The following GABRR1 variants were observed in gnomAD, a reference collection of about 807,000 sequenced individuals.
GABRR1 encodes the protein gamma-aminobutyric acid receptor subunit rho-1.
GABRR1 carries 59 observed loss-of-function variants against 55.5 expected under a neutral mutation model. The observed-to-expected ratio is 1.06, with a 90% CI of 0.86 to 1.32. GABRR1 has a LOEUF of 1.32. GABRR1 is among the 40% of genes most tolerant of loss of function. The probability of loss-of-function intolerance (pLI) is 0.00; values close to 1 mark genes in which losing one functional copy is unlikely to be tolerated. For synonymous variants in GABRR1, 213 were observed against 226.0 expected, an observed-to-expected ratio of 0.94 and a Z score of 0.51; for missense variants, 602 against 619.1, an observed-to-expected ratio of 0.97 and a Z score of 0.29.
At chr6:89,224,421 G>A (rs1773164652) in intron 1 of GABRR1, among the ~76,000 whole-genome samples, 1 of 152,110 alleles carries the variant, frequency 6.6e-6, no homozygotes, top group African/African-American at 2.4e-5. Context: ...GCATTTCCCT[G>A]ATCATTTGTG....
At chr6:89,197,667 T>G (rs1034456889) in intron 5 of GABRR1, among the ~76,000 whole-genome samples, 1 of 152,188 alleles carries the variant, frequency 6.6e-6, no homozygotes, top group African/African-American at 2.4e-5. Context: ...GAACTTTTTT[T>G]TAACCAAAGT....
At chr6:89,230,362 T>G (rs1773264356) in intron 1 of GABRR1, among the ~76,000 whole-genome samples, 1 of 138,024 alleles carries the variant, frequency 7.2e-6, no homozygotes, top group South Asian at 2.5e-4. Context: ...TTTCCAGTTT[T>G]TCTGTTCTGT....
At chr6:89,223,054 T>C (rs1308829772) in intron 1 of GABRR1, among the ~76,000 whole-genome samples, 4 of 152,226 alleles carry the variant, frequency 2.6e-5, no homozygotes, top group Admixed American at 1.3e-4. Context: ...TAGATTTTTT[T>C]TTTTAATTTC....
At chr6:89,201,570 G>A (rs1426594372) in intron 2 of GABRR1, among the ~76,000 whole-genome samples, 1 of 152,188 alleles carries the variant, frequency 6.6e-6, no homozygotes, top group Non-Finnish European at 1.5e-5. Context: ...ACGAGGTCAG[G>A]AGATCGAGAC....
chr6:89,205,821 T>C (rs2127802624), intron 1 of GABRR1: 1 of 152,322 alleles, frequency 6.6e-6, no homozygotes, highest in South Asian at 2.1e-4. Flanking sequence ...TCTCGGCATT[T>C]CTAACAGCCA....
chr6:89,190,670 T>C (rs977924929), intron 5 of GABRR1, among the ~76,000 whole-genome samples: 14 of 152,248 alleles, frequency 9.2e-5, no homozygotes, highest in Admixed American at 8.5e-4. Context: ...TCATATACAA[T>C]ACAGTGTACA....
At chr6:89,229,171 G>A (rs1451573413) in intron 1 of GABRR1, among the ~76,000 whole-genome samples, 1 of 151,816 alleles carries the variant, frequency 6.6e-6, no homozygotes, top group Non-Finnish European at 1.5e-5. Context: ...CACATGAGAT[G>A]GGTTTCCTGA....
chr6:89,200,397 C>T (rs1019938778), intron 3 of GABRR1, among the ~76,000 whole-genome samples: 1 of 151,786 alleles, frequency 6.6e-6, no homozygotes, highest in Non-Finnish European at 1.5e-5. Flanking sequence ...TACAGGTGCA[C>T]ACCACCACAG....
At chr6:89,195,852 T>G (rs1210063526) in intron 5 of GABRR1, among the ~76,000 whole-genome samples, 1 of 152,180 alleles carries the variant, frequency 6.6e-6, no homozygotes, top group Non-Finnish European at 1.5e-5. Context: ...GGTGGGAGCT[T>G]GAAATCAGCC....
intron 5 of GABRR1, 47 bp from the exon 6 acceptor site, chr6:89,190,294 C>T (rs372372327): frequency 2.7e-4 from 379 of 1,392,458 alleles, no homozygotes; most frequent in African/African-American, 1.2e-3. Context: ...CTGCAAAAGA[C>T]GAGTGCAAAA....
At chr6:89,183,493 C>T (rs984561872) in intron 7 of GABRR1, among the ~76,000 whole-genome samples, 6 of 83,258 alleles carry the variant, frequency 7.2e-5, no homozygotes, top group East Asian at 6.8e-4. Flanking sequence ...CAGTCAATTG[C>T]GCAAGTTTTA....
intron 3 of GABRR1, among the ~76,000 whole-genome samples, 166 bp from the exon 4 acceptor site, chr6:89,199,595 A>C (rs2127799362): frequency 6.6e-6 from 1 of 152,334 alleles, no homozygotes; most frequent in Middle Eastern, 3.4e-3. Flanking sequence ...ATGGAATCAT[A>C]GGCTGGCTTT....
chr6:89,183,899 T>C (rs1299259292), intron 7 of GABRR1, among the ~76,000 whole-genome samples: 1 of 152,106 alleles, frequency 6.6e-6, no homozygotes, highest in Non-Finnish European at 1.5e-5. Flanking sequence ...GATGAAAAAC[T>C]ACCCATTGGG....
At position 89,212,068 on chromosome 6, in the gene GABRR1, AT is replaced by A. The variant is rs1772848972; in HGVS notation, c.122+5132del. ...CTGTCTCTGGGTATCTTGCAAGCAC[AT>A]CTAGGTCCATATGTTCATACCAAAC... On this transcript the variant is annotated intron_variant, in intron 1 of 9. Coordinates refer to ENST00000454853, the MANE Select transcript of GABRR1 (RefSeq NM_002042.5). The A allele has an allele frequency of 3.5e-5, 16 of 456,914 alleles. 5 individuals carry two copies. Among genetic ancestry groups the A allele is most frequent in the Non-Finnish European group, 3.8e-5 (15 of 398,068 alleles). 28.3% of individuals were successfully genotyped at this position (456,914 alleles called of 1,614,324 possible). A position where few individuals can be genotyped will look rare whatever the true frequency, so the allele number is the denominator to read the frequency against.
In GABRR1 at chr6:89,210,267, C is replaced by T. The variant is rs61198470; in HGVS notation, c.123-6782G>A. 2.1e-3 allele frequency among the ~76,000 whole-genome samples: 304 copies of T among 143,596 alleles called. 1 individual carries two copies. Among genetic ancestry groups the T allele is most frequent in the African/African-American group, 7.5e-3 (285 of 38,114 alleles). The allele number at this position is 143,596 out of a possible 152,430, so 94.2% of individuals were successfully genotyped here. A position where few individuals can be genotyped will look rare whatever the true frequency, so the allele number is the denominator to read the frequency against. ...GGAATGCAGCGTTGCAATCTCAGCT[C>T]ACTGCAGCCTCGACCTCCCAGGCTC... On this transcript the variant is annotated intron_variant, in intron 1 of 9. Transcript: ENST00000454853.
chr6:89,193,722 C>T (rs994430751), intron 5 of GABRR1, among the ~76,000 whole-genome samples: 6 of 152,128 alleles, frequency 3.9e-5, no homozygotes, highest in South Asian at 2.1e-4. Context: ...GTTCCAAAAT[C>T]GTGGCATAAA....
intron 5 of GABRR1, among the ~76,000 whole-genome samples, chr6:89,193,607 C>T (rs560735554): frequency 2.5e-4 from 38 of 152,252 alleles, no homozygotes; most frequent in African/African-American, 7.0e-4. Context: ...CTTTCGGGAG[C>T]TGATTGCTAG....
intron 1 of GABRR1, among the ~76,000 whole-genome samples, chr6:89,209,890 A>G (rs928877877): frequency 6.6e-6 from 1 of 152,232 alleles, no homozygotes; most frequent in Non-Finnish European, 1.5e-5. Context: ...GTAAGAATTA[A>G]GCAAGAAAAT....
chr6:89,228,616 T>C (rs1773233552), intron 1 of GABRR1, among the ~76,000 whole-genome samples: 1 of 114,706 alleles, frequency 8.7e-6, no homozygotes, highest in East Asian at 2.4e-4. Context: ...TTGATTGCAC[T>C]GTGGTCTGAG....
Sources: allele counts gnomAD v4.1 joint callset (sites outside exome capture counted in the v4.1 genomes callset), GRCh38; gene constraint gnomAD v4.1.1; transcripts MANE v1.5; gene names NCBI Gene and HGNC (gene_info 2026-07-23, HGNC 2026-07-21).